RNGTT: variants seen among roughly 807,000 people sequenced by gnomAD.
RNGTT encodes mRNA-capping enzyme.
In RNGTT, 33 loss-of-function variants were observed where a neutral mutation model predicts 79.3. The ratio of observed to expected loss-of-function variants is 0.42; its 90% CI spans 0.32 to 0.56. The LOEUF (loss-of-function observed/expected upper bound fraction) is 0.56. Ranked by LOEUF, RNGTT falls within the 20% of genes least tolerant of loss-of-function variation. The probability of loss-of-function intolerance (pLI) is 0.17; values close to 1 mark genes in which losing one functional copy is unlikely to be tolerated. For synonymous variants in RNGTT, 222 were observed against 235.9 expected, an observed-to-expected ratio of 0.94 and a Z score of 0.54; for missense variants, 497 against 739.1, an observed-to-expected ratio of 0.67 and a Z score of 3.80.
intron 14 of RNGTT, among the ~76,000 whole-genome samples, chr6:88,625,490 G>C (rs1049278042): frequency 6.6e-6 from 1 of 152,010 alleles, no homozygotes; most frequent in Non-Finnish European, 1.5e-5. Flanking sequence ...AAAAGCTATA[G>C]AGTATGTGAT....
chr6:88,663,310 G>C (rs976075886), intron 14 of RNGTT, among the ~76,000 whole-genome samples: 10 of 152,210 alleles, frequency 6.6e-5, no homozygotes, highest in Non-Finnish European at 1.2e-4. Context: ...ATGTGAGATA[G>C]ACTATCCAGC....
At chr6:88,962,710 T>C (rs1273143817) in intron 1 of RNGTT, among the ~76,000 whole-genome samples, 1 of 151,898 alleles carries the variant, frequency 6.6e-6, no homozygotes, top group Non-Finnish European at 1.5e-5. Flanking sequence ...CACTCCAGCC[T>C]GGACGACAGA....
chr6:88,688,018 C>T (rs1385350952), intron 13 of RNGTT, among the ~76,000 whole-genome samples: 7 of 152,066 alleles, frequency 4.6e-5, no homozygotes, highest in Non-Finnish European at 8.8e-5. Context: ...ATGAATAATA[C>T]ACATGAAGGG....
At chr6:88,760,526 T>C (rs1424003480) in intron 13 of RNGTT, among the ~76,000 whole-genome samples, 1 of 152,104 alleles carries the variant, frequency 6.6e-6, no homozygotes, top group African/African-American at 2.4e-5. Flanking sequence ...ATTTGCTAAA[T>C]AATAAAAATA....
chr6:88,917,252 C>T (rs1230682914), intron 4 of RNGTT, among the ~76,000 whole-genome samples: 1 of 152,140 alleles, frequency 6.6e-6, no homozygotes, highest in African/African-American at 2.4e-5. Context: ...CCAATTTCTA[C>T]ATTCCTGGTA....
At chr6:88,932,348 C>CT (rs1393499679) in intron 2 of RNGTT, among the ~76,000 whole-genome samples, 1 of 152,156 alleles carries the variant, frequency 6.6e-6, no homozygotes, top group Non-Finnish European at 1.5e-5. Context: ...GGACAGGGAA[C>CT]TTCCTTAGTA....
chr6:88,703,615 A>G (rs6913196), intron 13 of RNGTT, among the ~76,000 whole-genome samples: 3,768 of 152,290 alleles, frequency 0.025, 142 homozygotes, highest in African/African-American at 0.086. Flanking sequence ...GGGATTGTCC[A>G]TATCTCAAAC....
intron 13 of RNGTT, among the ~76,000 whole-genome samples, chr6:88,712,101 T>C (rs1776338587): frequency 6.6e-6 from 1 of 152,188 alleles, no homozygotes; most frequent in East Asian, 1.9e-4. Context: ...GGGTCACATG[T>C]TGATCTTTCC....
At chr6:88,730,374 T>C (rs1777067103) in intron 13 of RNGTT, among the ~76,000 whole-genome samples, 1 of 152,138 alleles carries the variant, frequency 6.6e-6, no homozygotes, top group African/African-American at 2.4e-5. Context: ...CATCTAACCC[T>C]AGCCAATAGG....
At chr6:88,752,643 A>C (rs1777877490) in intron 13 of RNGTT, among the ~76,000 whole-genome samples, 1 of 152,142 alleles carries the variant, frequency 6.6e-6, no homozygotes, top group South Asian at 2.1e-4. Flanking sequence ...ATATATATAC[A>C]ATACAAACTT....
In RNGTT at chr6:88,774,592, G is replaced by A. The variant is rs538846324; in HGVS notation, c.1339-4718C>T. Among the ~76,000 whole-genome samples, 9 of 152,274 alleles carry A rather than the reference G, an allele frequency of 5.9e-5. No homozygotes were observed. In the South Asian group the frequency reaches 1.0e-3, roughly 18 times the overall value. ...AATACAAGTCTCCATCAACAGGTGA[G>A]TAGATAAACAAAAGGTTGTATATAC... On this transcript the variant is annotated intron_variant, in intron 12 of 15. Coordinates refer to ENST00000369485, the MANE Select transcript of RNGTT (RefSeq NM_003800.5).
At chr6:88,638,658 G>A (rs886446706) in intron 14 of RNGTT, among the ~76,000 whole-genome samples, 1 of 152,034 alleles carries the variant, frequency 6.6e-6, no homozygotes, top group Non-Finnish European at 1.5e-5. Context: ...TAAAACAAAA[G>A]ATTCTAGAAA....
chr6:88,694,749 C>A (rs552263705), intron 13 of RNGTT, among the ~76,000 whole-genome samples: 1 of 152,086 alleles, frequency 6.6e-6, no homozygotes, highest in Non-Finnish European at 1.5e-5. Flanking sequence ...AAAATAGATA[C>A]GCTGACCAAT....
chr6:88,942,984 T>C (rs1399161409), intron 1 of RNGTT, among the ~76,000 whole-genome samples: 1 of 152,214 alleles, frequency 6.6e-6, no homozygotes, highest in Non-Finnish European at 1.5e-5. Context: ...CTCAGTCTAC[T>C]TTAGTGGCTC....
intron 12 of RNGTT, among the ~76,000 whole-genome samples, chr6:88,792,479 GT>G (rs1207063029): frequency 2.0e-5 from 3 of 152,186 alleles, no homozygotes; most frequent in Non-Finnish European, 4.4e-5. Context: ...TTCTTTTAAA[GT>G]CATAAAGAGA....
At chr6:88,723,235 G>A (rs1776765669) in intron 13 of RNGTT, among the ~76,000 whole-genome samples, 1 of 152,182 alleles carries the variant, frequency 6.6e-6, no homozygotes, top group Admixed American at 6.5e-5. Context: ...ACCCTATATA[G>A]CCTAGGCTAA....
intron 2 of RNGTT, among the ~76,000 whole-genome samples, chr6:88,939,504 T>C (rs1784777958): frequency 6.6e-6 from 1 of 152,188 alleles, no homozygotes; most frequent in African/African-American, 2.4e-5. Context: ...CTGAATTGTT[T>C]TTCTGATTTG....
intron 11 of RNGTT, among the ~76,000 whole-genome samples, chr6:88,839,338 A>AGCTC (rs1233584746): frequency 6.6e-6 from 1 of 152,152 alleles, no homozygotes; most frequent in Non-Finnish European, 1.5e-5. Flanking sequence ...TGGGAGGCCG[A>AGCTC]GGCAGGCAGA....
At chr6:88,630,727 T>A (rs1253559271) in intron 14 of RNGTT, among the ~76,000 whole-genome samples, 1 of 150,408 alleles carries the variant, frequency 6.6e-6, no homozygotes, top group African/African-American at 2.4e-5. Context: ...TTTTTTTTTT[T>A]AACTTTAATC....
Sources: gnomAD v4.1 joint callset for allele counts (sites outside exome capture counted in the v4.1 genomes callset) on GRCh38, gnomAD v4.1.1 for gene constraint, MANE v1.5 for transcripts, NCBI Gene and HGNC (gene_info 2026-07-23, HGNC 2026-07-21) for gene names.